The following NCAM2 variants were observed in gnomAD, a reference collection of about 807,000 sequenced individuals.
The protein encoded by NCAM2 is N-CAM-2.
In NCAM2, 30 loss-of-function variants were observed where a neutral mutation model predicts 98.1. The observed-to-expected ratio is 0.31, with a 90% CI of 0.23 to 0.41. The LOEUF (loss-of-function observed/expected upper bound fraction) is 0.41. NCAM2 is among the 10% of genes least tolerant of loss of function. The probability of loss-of-function intolerance (pLI) is 1.00; values close to 1 mark genes in which losing one functional copy is unlikely to be tolerated. For synonymous variants in NCAM2, 368 were observed against 342.4 expected, an observed-to-expected ratio of 1.07 and a Z score of -0.83; for missense variants, 867 against 1,005.8, an observed-to-expected ratio of 0.86 and a Z score of 1.87.
At chr21:21,494,667 A>G (rs988275306) in intron 15 of NCAM2, among the ~76,000 whole-genome samples, 5 of 152,044 alleles carry the variant, frequency 3.3e-5, no homozygotes, top group Middle Eastern at 3.4e-3. Flanking sequence ...AACACAAAAG[A>G]TATTTTATAT....
chr21:21,508,808 C>CTTTTTTTTTTT lies in NCAM2; in HGVS notation c.2078-21_2078-11dup, dbSNP rs764097299. ...ATTTAGAGGTTTAATACTTTTTTTC[C>CTTTTTTTTTTT]TTTTTTTTTTTTTTTTTTTTTTTTT... is the stretch of plus-strand genomic sequence containing the variant. On this transcript the variant is annotated intron_variant, in intron 15 of 17. Transcript: ENST00000400546. The CTTTTTTTTTTT allele has an allele frequency of 1.2e-3, 482 of 413,328 alleles. 47 individuals carry two copies. The highest frequency in any genetic ancestry group is 2.1e-3 in the African/African-American group (63 of 29,384). 25.6% of individuals were successfully genotyped at this position (413,328 alleles called of 1,614,324 possible). A position where few individuals can be genotyped will look rare whatever the true frequency, so the allele number is the denominator to read the frequency against.
intron 5 of NCAM2, among the ~76,000 whole-genome samples, chr21:21,322,642 A>G (rs1261163666): frequency 2.6e-5 from 4 of 152,160 alleles, no homozygotes; most frequent in Non-Finnish European, 5.9e-5. Context: ...CCTTGGCTCA[A>G]ATAAATTTGA....
At chr21:21,334,145 C>A (rs1342625129) in intron 6 of NCAM2, among the ~76,000 whole-genome samples, 1 of 151,998 alleles carries the variant, frequency 6.6e-6, no homozygotes, top group Non-Finnish European at 1.5e-5. Flanking sequence ...GTTGGCCAGG[C>A]TGGTCTCAAA....
intron 1 of NCAM2, among the ~76,000 whole-genome samples, chr21:21,158,458 A>G (rs562206656): frequency 1.3e-5 from 2 of 152,190 alleles, no homozygotes; most frequent in Admixed American, 1.3e-4. Flanking sequence ...TAAAAATACA[A>G]AAATTAGCTG....
intron 12 of NCAM2, among the ~76,000 whole-genome samples, chr21:21,465,518 T>C (rs2826854): frequency 0.4 from 60,276 of 151,072 alleles, 13,436 homozygotes; most frequent in Non-Finnish European, 0.51. Context: ...AGTATCCTCA[T>C]ATAATACAGA....
chr21:21,400,721 G>A (rs553558909), intron 9 of NCAM2, among the ~76,000 whole-genome samples: 1 of 151,964 alleles, frequency 6.6e-6, no homozygotes, highest in East Asian at 1.9e-4. Flanking sequence ...AAGTAGCAGG[G>A]ATCAAAGGCA....
At chr21:21,322,892 G>T (rs1201468182) in intron 5 of NCAM2, among the ~76,000 whole-genome samples, 6 of 152,154 alleles carry the variant, frequency 3.9e-5, no homozygotes, top group African/African-American at 1.4e-4. Flanking sequence ...CTTGAAGGTA[G>T]TCCACCACGT....
intron 8 of NCAM2, among the ~76,000 whole-genome samples, chr21:21,356,134 G>T (rs1168577765): frequency 6.6e-6 from 1 of 152,126 alleles, no homozygotes; most frequent in African/African-American, 2.4e-5. Flanking sequence ...CAGGAATAAA[G>T]ATAGGCAGTT....
At chr21:21,269,588 G>T (rs2072418067) in intron 1 of NCAM2, among the ~76,000 whole-genome samples, 1 of 152,104 alleles carries the variant, frequency 6.6e-6, no homozygotes, top group Admixed American at 6.6e-5. Context: ...TATGCCTTTA[G>T]AAATATTTTG....
intron 8 of NCAM2, among the ~76,000 whole-genome samples, chr21:21,368,509 A>C (rs1305508933): frequency 6.6e-6 from 1 of 151,886 alleles, no homozygotes; most frequent in Non-Finnish European, 1.5e-5. Flanking sequence ...AACAACAGAA[A>C]TTTATTTCTC....
intron 1 of NCAM2, among the ~76,000 whole-genome samples, chr21:21,045,370 A>G (rs968954434): frequency 6.6e-6 from 1 of 152,208 alleles, no homozygotes; most frequent in Non-Finnish European, 1.5e-5. Flanking sequence ...GGCTGGGGTT[A>G]TGGAAGCTCA....
In NCAM2 at chr21:21,466,706, C is replaced by T; in HGVS notation, c.1755C>T (p.Ile585=). 6.2e-7 allele frequency: 1 copy of T among 1,605,964 alleles called. No homozygotes were observed. The highest frequency in any genetic ancestry group is 8.5e-7 in the Non-Finnish European group (1 of 1,175,828). ...AAGGAGACTACAGTAAAATAGAAAT[C>T]TTCCAAACATTACCAGTTCGTAAGT... The part of the protein sequence containing the change: ...KGQGDYSKIE[I]FQTLPVREPS... The change falls in exon 13 of 18, where the codon ATC becomes ATT. Residue 585 remains isoleucine, a synonymous_variant. Coordinates refer to ENST00000400546, the MANE Select transcript of NCAM2 (RefSeq NM_004540.5).
chr21:21,280,541 A>C lies in NCAM2; in HGVS notation c.56-37A>C, dbSNP rs1206041993. 2.8e-6 allele frequency: 4 copies of C among 1,435,602 alleles called. No homozygotes were observed. In the Admixed American group the frequency reaches 7.4e-5, roughly 26 times the overall value. The allele number at this position is 1,435,602 out of a possible 1,614,324, so 88.9% of individuals were successfully genotyped here. On this transcript the variant is annotated intron_variant, in intron 1 of 17. Transcript: ENST00000400546. ...CATTAAAATCTTAGAAATCACGCTT[A>C]AAAATCACCATTAATTGTTTCCCAA...
rs28506782 is a variant in NCAM2 at position 21,146,699 on chromosome 21, C to G, written c.56-133879C>G. Among the ~76,000 whole-genome samples, 676 of 151,892 alleles carry G rather than the reference C, an allele frequency of 4.5e-3. 8 individuals are homozygous for G. Among genetic ancestry groups the G allele is most frequent in the African/African-American group, 0.016 (646 of 41,382 alleles). Reference sequence around the variant, plus strand: ...TTTCTTAACAGCAATACATTTAATACCTTCGCAAGATTTCAAGTGAAAAAC... The same window carrying G: ...TTTCTTAACAGCAATACATTTAATAGCTTCGCAAGATTTCAAGTGAAAAAC... On this transcript the variant is annotated intron_variant, in intron 1 of 17. Coordinates refer to ENST00000400546, the MANE Select transcript of NCAM2 (RefSeq NM_004540.5).
intron 1 of NCAM2, chr21:21,223,717 T>C (rs970058215): frequency 1.3e-5 from 2 of 152,106 alleles, no homozygotes; most frequent in African/African-American, 2.4e-5. Context: ...TGAAAGTTCT[T>C]TTCCGACTAG....
intron 6 of NCAM2, among the ~76,000 whole-genome samples, chr21:21,329,661 G>A (rs973597824): frequency 6.6e-6 from 1 of 152,044 alleles, no homozygotes; most frequent in East Asian, 1.9e-4. Context: ...AGGGGTCAGG[G>A]CATTACTAGT....
At chr21:21,001,589 T>C (rs2064020095) in intron 1 of NCAM2, among the ~76,000 whole-genome samples, 1 of 152,222 alleles carries the variant, frequency 6.6e-6, no homozygotes, top group African/African-American at 2.4e-5. Context: ...ATGGATTGCT[T>C]TCGTGAGAGT....
chr21:21,137,008 G>A (rs1177707535), intron 1 of NCAM2, among the ~76,000 whole-genome samples: 1 of 151,740 alleles, frequency 6.6e-6, no homozygotes, highest in Non-Finnish European at 1.5e-5. Flanking sequence ...GAGTTGCTTG[G>A]TTTCTGGTTA....
At chr21:21,452,467 T>C (rs562356314) in intron 12 of NCAM2, among the ~76,000 whole-genome samples, 1 of 140,706 alleles carries the variant, frequency 7.1e-6, no homozygotes, top group Non-Finnish European at 1.5e-5. Context: ...GATGTATTTA[T>C]AGATGCATCA....
Sources: allele counts gnomAD v4.1 joint callset (sites outside exome capture counted in the v4.1 genomes callset), GRCh38; gene constraint gnomAD v4.1.1; transcripts MANE v1.5; gene names NCBI Gene and HGNC (gene_info 2026-07-23, HGNC 2026-07-21).